SLC39A8: variants seen among roughly 807,000 people sequenced by gnomAD.
SLC39A8 encodes the protein metal cation symporter ZIP8.
Under a neutral mutation model 40.4 loss-of-function variants are expected in SLC39A8, and 15 were observed. The ratio of observed to expected loss-of-function variants is 0.37; its 90% CI spans 0.25 to 0.57. The LOEUF (loss-of-function observed/expected upper bound fraction) is 0.57, where lower values mean the gene tolerates loss of function less well. Ranked by LOEUF, SLC39A8 falls within the 20% of genes least tolerant of loss-of-function variation. The pLI is 0.75. For synonymous variants in SLC39A8, 223 were observed against 221.6 expected (o/e 1.01, Z -0.06); for missense variants, 472 against 558.8 (o/e 0.84, Z 1.57).
At chr4:102,299,941 T>C (rs1733844787) in intron 6 of SLC39A8, among the ~76,000 whole-genome samples, 1 of 151,986 alleles carries the variant, frequency 6.6e-6, no homozygotes, top group Non-Finnish European at 1.5e-5. Context: ...GCTGCAGAGA[T>C]AGTGAAATGA....
intron 2 of SLC39A8, among the ~76,000 whole-genome samples, chr4:102,341,822 G>A (rs963655532): frequency 2.0e-5 from 3 of 152,114 alleles, no homozygotes; most frequent in Non-Finnish European, 2.9e-5. Context: ...TATTACCTGA[G>A]AAAAGCTGAC....
intron 5 of SLC39A8, 85 bp from the exon 6 acceptor site, chr4:102,304,566 T>C: frequency 9.0e-7 from 1 of 1,115,212 alleles, no homozygotes. Flanking sequence ...CTGCTTTTTA[T>C]TTATAAGAGG....
At chr4:102,297,207 T>C (rs1424028707) in intron 6 of SLC39A8, among the ~76,000 whole-genome samples, 1 of 151,838 alleles carries the variant, frequency 6.6e-6, no homozygotes, top group Non-Finnish European at 1.5e-5. Flanking sequence ...TGAGGAAGGC[T>C]GGTTAACAAA....
intron 2 of SLC39A8, among the ~76,000 whole-genome samples, chr4:102,339,158 A>G (rs1735802544): frequency 6.6e-6 from 1 of 152,136 alleles, no homozygotes; most frequent in African/African-American, 2.4e-5. Context: ...AACTTATGTG[A>G]GAGTGATCTA....
At chr4:102,344,376 G>T in intron 2 of SLC39A8, 68 bp downstream of exon 2, 3 of 1,116,804 alleles carry the variant, frequency 2.7e-6, no homozygotes, top group South Asian at 3.5e-5. Flanking sequence ...AATAAAAACG[G>T]CTCATATACA....
intron 2 of SLC39A8, among the ~76,000 whole-genome samples, chr4:102,328,092 T>C (rs919276188): frequency 6.6e-6 from 1 of 152,188 alleles, no homozygotes; most frequent in African/African-American, 2.4e-5. Flanking sequence ...ATAAAAACTT[T>C]ATTTCCTTCT....
At chr4:102,307,374 CA>C in intron 4 of SLC39A8, 61 bp downstream of exon 4, 1 of 1,572,116 alleles carries the variant, frequency 6.4e-7, no homozygotes, top group African/African-American at 1.4e-5. Context: ...TAAAAACATA[CA>C]AAGTGCTAAA....
At chr4:102,291,164 CT>C (rs1215327718) in intron 6 of SLC39A8, among the ~76,000 whole-genome samples, 1 of 151,834 alleles carries the variant, frequency 6.6e-6, no homozygotes, top group Non-Finnish European at 1.5e-5. Context: ...CTTTTCTAGT[CT>C]TTTCCTATAT....
chr4:102,275,972 A>G (rs1258601194), intron 6 of SLC39A8, among the ~76,000 whole-genome samples: 3 of 152,234 alleles, frequency 2.0e-5, no homozygotes, highest in African/African-American at 7.2e-5. Context: ...AATCTCCAGG[A>G]CACAGCTAAA....
intron 6 of SLC39A8, among the ~76,000 whole-genome samples, chr4:102,286,227 A>G (rs1171451176): frequency 6.6e-6 from 1 of 152,174 alleles, no homozygotes; most frequent in Non-Finnish European, 1.5e-5. Context: ...ATTCTTTCTG[A>G]TGAGCAGAAT....
At chr4:102,332,514 A>G (rs1735510439) in intron 2 of SLC39A8, among the ~76,000 whole-genome samples, 1 of 152,266 alleles carries the variant, frequency 6.6e-6, no homozygotes, top group African/African-American at 2.4e-5. Flanking sequence ...TCAGGGAACA[A>G]CAGATGCTGG....
chr4:102,262,905 T>C lies in SLC39A8; in HGVS notation c.*139A>G. 7.1e-7 allele frequency: 1 copy of C among 1,410,424 alleles called. No individual in the cohort carries two copies. The highest frequency in any genetic ancestry group is 9.2e-7 in the Non-Finnish European group (1 of 1,085,712). 87.4% of individuals were successfully genotyped at this position (1,410,424 alleles called of 1,614,324 possible). A position where few individuals can be genotyped will look rare whatever the true frequency, so the allele number is the denominator to read the frequency against. On this transcript the variant is annotated 3_prime_UTR_variant, in exon 9 of 9. Transcript: ENST00000356736. ...AATAATGGACTATTTCACAGACTGA[T>C]GCCAATAATTAGTTTTCTGGACCTA...
At chr4:102,306,986 G>C (rs1387534276) in intron 4 of SLC39A8, among the ~76,000 whole-genome samples, 1 of 151,858 alleles carries the variant, frequency 6.6e-6, no homozygotes, top group African/African-American at 2.4e-5. Context: ...TTACTCTCTA[G>C]TCACTTATAA....
chr4:102,306,231 T>A (rs1173315633), intron 4 of SLC39A8, among the ~76,000 whole-genome samples: 4 of 151,892 alleles, frequency 2.6e-5, no homozygotes, highest in Admixed American at 2.6e-4. Context: ...ACAGTATTAG[T>A]TTGTTTAATT....
chr4:102,293,204 G>T (rs1467393526), intron 6 of SLC39A8, among the ~76,000 whole-genome samples: 3 of 151,852 alleles, frequency 2.0e-5, no homozygotes, highest in African/African-American at 4.8e-5. Flanking sequence ...TATAGAAAAA[G>T]AAAAAAGTTG....
intron 3 of SLC39A8, among the ~76,000 whole-genome samples, chr4:102,315,230 G>C (rs1427499334): frequency 2.6e-5 from 4 of 151,926 alleles, no homozygotes; most frequent in South Asian, 2.1e-4. Flanking sequence ...CTAATAATTT[G>C]GTCCCTGAAA....
intron 6 of SLC39A8, among the ~76,000 whole-genome samples, chr4:102,278,821 G>T (rs1732742434): frequency 1.3e-5 from 2 of 152,122 alleles, no homozygotes; most frequent in African/African-American, 4.8e-5. Context: ...AAAAAAGGAT[G>T]AGTTCATGTC....
intron 2 of SLC39A8, among the ~76,000 whole-genome samples, chr4:102,342,217 C>T (rs1216538689): frequency 6.6e-6 from 1 of 152,162 alleles, no homozygotes; most frequent in Non-Finnish European, 1.5e-5. Context: ...TTTAGAACAT[C>T]AGGCAAGGTA....
At chr4:102,307,757 A>G in intron 3 of SLC39A8, 152 bp from the exon 4 acceptor site, 2 of 719,006 alleles carry the variant, frequency 2.8e-6, no homozygotes, top group Non-Finnish European at 4.6e-6. Flanking sequence ...AGTATATAGA[A>G]AACTGAGAAT....
Sources: allele counts gnomAD v4.1 joint callset (sites outside exome capture counted in the v4.1 genomes callset), GRCh38; gene constraint gnomAD v4.1.1; transcripts MANE v1.5; gene names NCBI Gene and HGNC (gene_info 2026-07-23, HGNC 2026-07-21).